The following CTNNA2 variants were observed in gnomAD, a reference collection of about 807,000 sequenced individuals.
CTNNA2 encodes catenin alpha-2.
Under a neutral mutation model 101.0 loss-of-function variants are expected in CTNNA2, and 42 were observed. The ratio of observed to expected loss-of-function variants is 0.42; its 90% CI spans 0.32 to 0.54. CTNNA2 has a LOEUF of 0.54. Among genes scored for constraint, CTNNA2 ranks in the 20% least tolerant of loss-of-function variants. The pLI is 0.14. For missense variants in CTNNA2, 871 were observed against 1,223.1 expected, an observed-to-expected ratio of 0.71 and a Z score of 4.29; for synonymous variants, 450 against 456.4, an observed-to-expected ratio of 0.99 and a Z score of 0.18.
At chr2:79,878,610 T>C (rs1274025225) in intron 6 of CTNNA2, among the ~76,000 whole-genome samples, 1 of 152,238 alleles carries the variant, frequency 6.6e-6, no homozygotes, top group African/African-American at 2.4e-5. Flanking sequence ...TTTTCATGTT[T>C]GTTGGCCATG....
chr2:80,171,481 G>C (rs1047462961), intron 7 of CTNNA2, among the ~76,000 whole-genome samples: 2 of 152,196 alleles, frequency 1.3e-5, no homozygotes, highest in Non-Finnish European at 2.9e-5. Flanking sequence ...TAGGGTATCT[G>C]TTAAGATACT....
intron 2 of CTNNA2, among the ~76,000 whole-genome samples, chr2:79,707,816 T>C (rs1272911260): frequency 3.9e-5 from 6 of 152,180 alleles, no homozygotes; most frequent in Admixed American, 3.9e-4. Flanking sequence ...CTCTTCCTTT[T>C]GACAATTCGA....
At chr2:79,465,251 C>T (rs974936072) in intron 4 of CTNNA2, among the ~76,000 whole-genome samples, 4 of 152,104 alleles carry the variant, frequency 2.6e-5, no homozygotes, top group Non-Finnish European at 4.4e-5. Flanking sequence ...ATCCTTTCTC[C>T]ATTTCTTGTT....
chr2:80,344,717 C>T (rs528643158), intron 7 of CTNNA2, among the ~76,000 whole-genome samples: 2 of 152,302 alleles, frequency 1.3e-5, no homozygotes, highest in African/African-American at 4.8e-5. Flanking sequence ...AGCTCCTGAG[C>T]TCAAGTGATT....
intron 7 of CTNNA2, among the ~76,000 whole-genome samples, chr2:80,183,589 A>G (rs768580610): frequency 2.6e-5 from 4 of 152,188 alleles, no homozygotes; most frequent in Admixed American, 1.3e-4. Flanking sequence ...ATGCTGCCCC[A>G]GACAAATAAG....
chr2:80,244,671 G>C (rs1008141851), intron 7 of CTNNA2, among the ~76,000 whole-genome samples: 2 of 152,148 alleles, frequency 1.3e-5, no homozygotes, highest in Non-Finnish European at 2.9e-5. Context: ...TAAAAGTAAC[G>C]TCAAGAAACC....
chr2:79,726,619 G>C (rs1686858384), intron 2 of CTNNA2, among the ~76,000 whole-genome samples: 1 of 152,106 alleles, frequency 6.6e-6, no homozygotes. Context: ...AAAAATTGTT[G>C]CCCATGAAAC....
intron 9 of CTNNA2, among the ~76,000 whole-genome samples, chr2:80,453,661 T>C (rs1185847932): frequency 6.6e-6 from 1 of 152,160 alleles, no homozygotes; most frequent in Non-Finnish European, 1.5e-5. Context: ...ACAGAACATA[T>C]ATCTGTTTGC....
Position 80,527,490 on chromosome 2 carries a change from C to A in CTNNA2, c.1291-17492C>A, listed in dbSNP as rs182580105. On this transcript the variant is annotated intron_variant, in intron 9 of 18. Transcript: ENST00000402739. Reference sequence around the variant, plus strand: ...CCCAGGTGATGCTGATGCTGCTGGACTTGTGTTAGATCAGTTTTACCTGAA... The same window carrying A: ...CCCAGGTGATGCTGATGCTGCTGGAATTGTGTTAGATCAGTTTTACCTGAA... Among the ~76,000 whole-genome samples, 37 of 152,272 alleles carry A rather than the reference C, an allele frequency of 2.4e-4. No homozygotes were observed. The East Asian group carries it at 7.2e-3, about 29-fold the overall frequency.
intron 7 of CTNNA2, among the ~76,000 whole-genome samples, chr2:79,942,980 G>C (rs1195810097): frequency 6.6e-6 from 1 of 152,090 alleles, no homozygotes; most frequent in Admixed American, 6.6e-5. Flanking sequence ...GCTTTGAGAG[G>C]CCGAGGTGGG....
chr2:79,612,706 G>C (rs1204048979), intron 1 of CTNNA2, among the ~76,000 whole-genome samples: 2 of 151,996 alleles, frequency 1.3e-5, no homozygotes, highest in East Asian at 3.9e-4. Flanking sequence ...TGTATGACTT[G>C]ATTTTTACAA....
chr2:80,165,249 G>A (rs1322861688), intron 7 of CTNNA2, among the ~76,000 whole-genome samples: 3 of 149,168 alleles, frequency 2.0e-5, no homozygotes, highest in Admixed American at 1.3e-4. Flanking sequence ...TTTCAATCTG[G>A]TTTCTCTCTG....
chr2:79,473,591 A>G (rs1196528438), intron 4 of CTNNA2, among the ~76,000 whole-genome samples: 1 of 152,198 alleles, frequency 6.6e-6, no homozygotes, highest in Non-Finnish European at 1.5e-5. Context: ...CTAGAAAATA[A>G]TGAAGTGACA....
chr2:79,678,428 G>C (rs6758758), intron 2 of CTNNA2, among the ~76,000 whole-genome samples: 1 of 151,552 alleles, frequency 6.6e-6, no homozygotes, highest in East Asian at 1.9e-4. Context: ...CCAGATACTC[G>C]GGAGGCTGAG....
chr2:79,924,920 C>T (rs1385182209), intron 7 of CTNNA2, among the ~76,000 whole-genome samples: 2 of 152,034 alleles, frequency 1.3e-5, no homozygotes, highest in East Asian at 3.9e-4. Context: ...AGAAATCGGG[C>T]ATTTATCACA....
chr2:80,581,757 G>A lies in CTNNA2; in HGVS notation c.1945G>A (p.Val649Met). ...DSDFEQEDYD[V>M]RSRTSVQTED... ...TGACTTTGAGCAGGAAGATTATGAT[G>A]TGCGTAGCAGGACAAGTGTTCAGAC... The change falls in exon 14 of 19, where the codon GTG (valine) becomes ATG (methionine). Residue 649 changes from valine to methionine, a missense_variant. Physicochemically the swap from Val to Met is conservative, Grantham distance 21. Around this residue, in one of 5 missense-constraint regions of CTNNA2, gnomAD observed 93 missense variants for 223.7 expected, o/e 0.42. Transcript: ENST00000402739. 1 of 1,613,440 alleles carries A rather than the reference G, an allele frequency of 6.2e-7. No individual in the cohort carries two copies. Among genetic ancestry groups the A allele is most frequent in the Non-Finnish European group, 8.5e-7 (1 of 1,179,552 alleles).
At chr2:79,762,680 G>A (rs1672874083) in intron 3 of CTNNA2, among the ~76,000 whole-genome samples, 1 of 152,104 alleles carries the variant, frequency 6.6e-6, no homozygotes, top group African/African-American at 2.4e-5. Context: ...TTTCATTTAT[G>A]TTCTGTCTTG....
intron 2 of CTNNA2, among the ~76,000 whole-genome samples, chr2:79,285,935 C>A (rs1320795760): frequency 6.8e-6 from 1 of 147,596 alleles, no homozygotes; most frequent in Non-Finnish European, 1.5e-5. Context: ...AATCTGGGTG[C>A]TCCTGTATTG....
At chr2:80,228,248 C>T (rs57710158) in intron 7 of CTNNA2, among the ~76,000 whole-genome samples, 3,111 of 152,226 alleles carry the variant, frequency 0.02, 39 homozygotes, top group East Asian at 0.046. Context: ...CTCACAGTTC[C>T]GGAATCTGGT....
Sources: gnomAD v4.1 joint callset for allele counts (sites outside exome capture counted in the v4.1 genomes callset) on GRCh38, gnomAD v4.1.1 for gene constraint, gnomAD v4.1.1 regional missense constraint, MANE v1.5 for transcripts, NCBI Gene and HGNC (gene_info 2026-07-23, HGNC 2026-07-21) for gene names.